Variants in LMO7 observed in about 807,000 individuals in gnomAD.
LMO7 encodes the protein LIM domain 7, also known as LIM domain only protein 7.
Under a neutral mutation model 206.5 loss-of-function variants are expected in LMO7, and 120 were observed. The ratio of observed to expected loss-of-function variants is 0.58; its 90% CI spans 0.50 to 0.68. The LOEUF (loss-of-function observed/expected upper bound fraction) is 0.68. LMO7 is among the 30% of genes least tolerant of loss of function. LMO7 has a pLI of 0.00. For synonymous variants in LMO7, 706 were observed against 681.5 expected, an observed-to-expected ratio of 1.04 and a Z score of -0.56; for missense variants, 1,959 against 1,957.9, an observed-to-expected ratio of 1.00 and a Z score of -0.01.
At chr13:75,630,283 A>G (rs1023078192) in intron 2 of LMO7, among the ~76,000 whole-genome samples, 1 of 152,208 alleles carries the variant, frequency 6.6e-6, no homozygotes, top group African/African-American at 2.4e-5. Context: ...TTATTTTTGT[A>G]TCATACAGAT....
Position 75,721,006 on chromosome 13 carries a change from T to C in LMO7, c.141-6023T>C, listed in dbSNP as rs184068117. ...ATTTTAAAATATTGCAGCTTATGAA[T>C]TTAAATAAAAGTTATTAATTTAAAA... is the stretch of plus-strand genomic sequence containing the variant. On this transcript the variant is annotated intron_variant, in intron 2 of 30. Transcript: ENST00000377534. Among the ~76,000 whole-genome samples the C allele has an allele frequency of 4.1e-4, 63 of 152,338 alleles. No individual in the cohort carries two copies. In the East Asian group the frequency reaches 0.012, roughly 29 times the overall value.
chr13:75,679,276 T>G (rs1476047597), intron 1 of LMO7, among the ~76,000 whole-genome samples: 4 of 152,220 alleles, frequency 2.6e-5, no homozygotes, highest in African/African-American at 9.7e-5. Flanking sequence ...TTTGCAAGGT[T>G]GCACCTATAA....
At chr13:75,746,688 T>A (rs2046871092) in intron 3 of LMO7, among the ~76,000 whole-genome samples, 1 of 152,188 alleles carries the variant, frequency 6.6e-6, no homozygotes, top group Non-Finnish European at 1.5e-5. Flanking sequence ...TCTCTTGTCA[T>A]CTCCTTGACA....
exon 2 of LMO7, chr13:75,623,315 A>G (rs757926404): frequency 3.6e-6 from 5 of 1,404,202 alleles, no homozygotes; most frequent in Non-Finnish European, 5.0e-6. Context: ...GACTATTCTC[A>G]TTAAGGTAAT....
At chr13:75,749,855 G>T (rs2047134410) in intron 3 of LMO7, among the ~76,000 whole-genome samples, 1 of 150,680 alleles carries the variant, frequency 6.6e-6, no homozygotes, top group Non-Finnish European at 1.5e-5. Flanking sequence ...GAGAGAAATT[G>T]GTTCCCCAAG....
At chr13:75,856,369 G>A (rs1054777047) in intron 29 of LMO7, 137 bp from the exon 30 acceptor site, 6 of 580,964 alleles carry the variant, frequency 1.0e-5, no homozygotes, top group Admixed American at 6.1e-5. Context: ...ATCATCTTTC[G>A]GCCTTTTTTT....
chr13:75,772,083 C>T (rs572646062), intron 4 of LMO7, among the ~76,000 whole-genome samples: 1 of 152,080 alleles, frequency 6.6e-6, no homozygotes, highest in Admixed American at 6.6e-5. Context: ...AGAAATGACT[C>T]AAGCACAGAA....
At chr13:75,725,485 C>A (rs1321290079) in intron 2 of LMO7, among the ~76,000 whole-genome samples, 2 of 152,196 alleles carry the variant, frequency 1.3e-5, no homozygotes, top group South Asian at 4.1e-4. Flanking sequence ...ACTAGTTCTT[C>A]TATGCATTGC....
chr13:75,682,117 T>C (rs2139518110), intron 1 of LMO7, among the ~76,000 whole-genome samples: 1 of 152,328 alleles, frequency 6.6e-6, no homozygotes, highest in East Asian at 1.9e-4. Context: ...GTATGAGAGT[T>C]CTATTCTTCT....
chr13:75,829,129 A>G (rs931442517), intron 15 of LMO7, among the ~76,000 whole-genome samples: 1 of 152,188 alleles, frequency 6.6e-6, no homozygotes, highest in Non-Finnish European at 1.5e-5. Context: ...TCACAAAAGC[A>G]TGTAGTCAGA....
At chr13:75,676,100 C>T (rs1337858851) in intron 1 of LMO7, among the ~76,000 whole-genome samples, 1 of 152,156 alleles carries the variant, frequency 6.6e-6, no homozygotes, top group Non-Finnish European at 1.5e-5. Context: ...TCCTTAGCAT[C>T]CTGCCTGGAG....
At chr13:75,838,382 CTCTGTGGTAATGGG>C in intron 20 of LMO7, 186 bp downstream of exon 20, 1 of 1,480,892 alleles carries the variant, frequency 6.8e-7, no homozygotes, top group Non-Finnish European at 9.0e-7. Context: ...ATGGGTCTAC[CTCTGTGGTAATGGG>C]TCTTTGTGTG....
At chr13:75,840,006 G>T in intron 20 of LMO7, 79 bp from the exon 21 acceptor site, 1 of 1,384,730 alleles carries the variant, frequency 7.2e-7, no homozygotes, top group Admixed American at 1.7e-5. Flanking sequence ...AATGATAGAA[G>T]TTTCTGAAAG....
At chr13:75,804,934 C>T in intron 8 of LMO7, 1 of 1,004,318 alleles carries the variant, frequency 1.0e-6, no homozygotes, top group Middle Eastern at 5.0e-4. Context: ...GCAAATCCAG[C>T]TTCCTCTCAT....
At chr13:75,785,531 A>G (rs898826204) in intron 4 of LMO7, among the ~76,000 whole-genome samples, 10 of 152,196 alleles carry the variant, frequency 6.6e-5, no homozygotes, top group Non-Finnish European at 1.5e-4. Context: ...TCACAACTAG[A>G]AAACACTTCA....
At position 75,859,453 on chromosome 13, in the gene LMO7, T is replaced by G. The variant is rs1281494077; in HGVS notation, c.*1510T>G. The G allele has an allele frequency of 6.6e-6, 1 of 152,208 alleles. No individual in the cohort carries two copies. Among genetic ancestry groups the G allele is most frequent in the Non-Finnish European group, 1.5e-5 (1 of 68,046 alleles). The allele number at this position is 152,208 out of a possible 1,614,324, so 9.4% of individuals were successfully genotyped here. A position where few individuals can be genotyped will look rare whatever the true frequency, so the allele number is the denominator to read the frequency against. Reference sequence around the variant, plus strand: ...CCATGTTCTTAAAATTATTTTTATCTTTTTTCATGGTTGCATAGTGCTCCA... The same window carrying G: ...CCATGTTCTTAAAATTATTTTTATCGTTTTTCATGGTTGCATAGTGCTCCA... On this transcript the variant is annotated 3_prime_UTR_variant, in exon 31 of 31. Coordinates refer to ENST00000377534, the MANE Select transcript of LMO7 (RefSeq NM_001306080.2).
intron 2 of LMO7, among the ~76,000 whole-genome samples, chr13:75,724,980 G>C (rs1373556048): frequency 5.3e-5 from 8 of 152,082 alleles, no homozygotes; most frequent in Non-Finnish European, 1.2e-4. Flanking sequence ...TCCATTGTGT[G>C]TCTGTCACTT....
At chr13:75,737,607 G>A (rs71433201) in intron 3 of LMO7, among the ~76,000 whole-genome samples, 1 of 146,762 alleles carries the variant, frequency 6.8e-6, no homozygotes, top group Non-Finnish European at 1.5e-5. Context: ...CAAAAAATTA[G>A]CCGGGCGTGG....
intron 1 of LMO7, among the ~76,000 whole-genome samples, chr13:75,637,591 A>G (rs1215905755): frequency 6.6e-6 from 1 of 152,234 alleles, no homozygotes; most frequent in Non-Finnish European, 1.5e-5. Flanking sequence ...AGGCGTGCAC[A>G]AGCCCTGCAG....
Sources: allele counts gnomAD v4.1 joint callset (sites outside exome capture counted in the v4.1 genomes callset), GRCh38; gene constraint gnomAD v4.1.1; transcripts MANE v1.5; gene names NCBI Gene and HGNC (gene_info 2026-07-23, HGNC 2026-07-21).